NRDC: variants seen among roughly 807,000 people sequenced by gnomAD.
NRDC encodes the protein nardilysin.
A neutral mutation model predicts 147.1 loss-of-function variants in NRDC; 54 were observed. That is an observed-to-expected ratio of 0.37 (90% CI 0.29 to 0.46). The LOEUF (loss-of-function observed/expected upper bound fraction) is 0.46, where lower values mean the gene tolerates loss of function less well. Ranked by LOEUF, NRDC falls within the 20% of genes least tolerant of loss-of-function variation. The pLI is 1.00. For missense variants in NRDC, 1,082 were observed against 1,370.6 expected, an observed-to-expected ratio of 0.79 and a Z score of 3.33; for synonymous variants, 440 against 482.1, an observed-to-expected ratio of 0.91 and a Z score of 1.14.
chr1:51,794,192 T>C (rs1678779370), intron 24 of NRDC: 1 of 332,556 alleles, frequency 3.0e-6, no homozygotes, highest in South Asian at 7.4e-5. Flanking sequence ...CTTCTGCTAC[T>C]TGGGAGTTCT....
At chr1:51,797,767 C>T (rs962806851) in intron 22 of NRDC, among the ~76,000 whole-genome samples, 7 of 152,014 alleles carry the variant, frequency 4.6e-5, no homozygotes, top group African/African-American at 1.7e-4. Flanking sequence ...TTCTCTCTCT[C>T]TTTCTTTATT....
chr1:51,798,230 C>A lies in NRDC; in HGVS notation c.2604+19G>T. 6.2e-7 allele frequency: 1 copy of A among 1,613,150 alleles called. No individual in the cohort carries two copies. The highest frequency in any genetic ancestry group is 8.5e-7 in the Non-Finnish European group (1 of 1,179,210). On this transcript the variant is annotated intron_variant, in intron 22 of 30. Coordinates refer to ENST00000352171, the MANE Select transcript of NRDC (RefSeq NM_001101662.2). ...CACAACTGCATTCAGACCTGGCCTA[C>A]AGAGCATCTCACACTCACTGTGCTT...
At position 51,861,332 on chromosome 1, in the gene NRDC, TC is replaced by T. The variant is rs200439551; in HGVS notation, c.341+16942del. ...CAGAGATAATCAAATCTCTTCTTCT[TC>T]TTTTTTTTTTTTTTGAGACAAAGTC... On this transcript the variant is annotated intron_variant, in intron 1 of 30. Transcript: ENST00000352171. Among the ~76,000 whole-genome samples, 182 of 139,444 alleles carry T rather than the reference TC, an allele frequency of 1.3e-3. 18 individuals are homozygous for T. Among genetic ancestry groups the T allele is most frequent in the Middle Eastern group, 7.5e-3 (2 of 266 alleles). 91.5% of individuals were successfully genotyped at this position (139,444 alleles called of 152,430 possible). A position where few individuals can be genotyped will look rare whatever the true frequency, so the allele number is the denominator to read the frequency against.
At chr1:51,841,410 C>A (rs544647608) in intron 1 of NRDC, among the ~76,000 whole-genome samples, 2 of 152,326 alleles carry the variant, frequency 1.3e-5, no homozygotes, top group South Asian at 4.1e-4. Context: ...TGGGCTCAGG[C>A]AATCCTCCCA....
At chr1:51,843,746 C>G (rs1681391919) in intron 1 of NRDC, among the ~76,000 whole-genome samples, 1 of 151,958 alleles carries the variant, frequency 6.6e-6, no homozygotes, top group South Asian at 2.1e-4. Flanking sequence ...GAGCTATTTT[C>G]CAAGAATATG....
At chr1:51,840,832 C>A (rs1473802303) in intron 1 of NRDC, among the ~76,000 whole-genome samples, 1 of 152,152 alleles carries the variant, frequency 6.6e-6, no homozygotes, top group Non-Finnish European at 1.5e-5. Context: ...ATGCAACTCA[C>A]CACTCAGCCT....
chr1:51,792,293 T>A, intron 25 of NRDC, 84 bp downstream of exon 25: 1 of 1,434,042 alleles, frequency 7.0e-7, no homozygotes, highest in Admixed American at 1.7e-5. Context: ...GACTACCCCA[T>A]GTCCCTAACC....
At position 51,878,544 on chromosome 1, in the gene NRDC, G is replaced by A. The variant is rs763215283; in HGVS notation, c.72C>T (p.Leu24=). The A allele has an allele frequency of 1.9e-6, 3 of 1,613,586 alleles. No homozygotes were observed. Among genetic ancestry groups the A allele is most frequent in the Admixed American group, 1.7e-5 (1 of 59,930 alleles). ...RRKLCEAGRE[L]AALWGIETRG... Reference sequence around the variant, plus strand: ...GCGTTTCGATTCCCCAGAGCGCCGCGAGCTCCCGCCCGGCCTCACACAACT... The same window carrying A: ...GCGTTTCGATTCCCCAGAGCGCCGCAAGCTCCCGCCCGGCCTCACACAACT... Residue 24 remains leucine, a synonymous_variant, in exon 1 of 31, where the codon CTC becomes CTT. Transcript: ENST00000352171.
chr1:51,789,549 G>C lies in NRDC; in HGVS notation c.3258+19C>G, dbSNP rs537953908. 6 of 1,602,578 alleles carry C rather than the reference G, an allele frequency of 3.7e-6. No individual in the cohort carries two copies. In the South Asian group the frequency reaches 5.5e-5, roughly 15 times the overall value. ...AAATGACAACCCTAGAATGGATGGA[G>C]TTAGTTAAACATACTCACATGAACG... On this transcript the variant is annotated intron_variant, in intron 30 of 30. Coordinates refer to ENST00000352171, the MANE Select transcript of NRDC (RefSeq NM_001101662.2).
At chr1:51,862,686 G>A (rs955319441) in intron 1 of NRDC, among the ~76,000 whole-genome samples, 10 of 151,506 alleles carry the variant, frequency 6.6e-5, no homozygotes, top group African/African-American at 2.2e-4. Flanking sequence ...TCATGACACT[G>A]CACTCCAGCC....
chr1:51,854,273 C>A (rs1682128310), intron 1 of NRDC, among the ~76,000 whole-genome samples: 1 of 152,132 alleles, frequency 6.6e-6, no homozygotes, highest in Admixed American at 6.5e-5. Flanking sequence ...GAGGCTGAGG[C>A]AGAAGAATCG....
At chr1:51,804,099 C>T (rs770850297) in intron 19 of NRDC, 135 bp from the exon 20 acceptor site, 23 of 704,512 alleles carry the variant, frequency 3.3e-5, no homozygotes, top group Non-Finnish European at 4.5e-5. Context: ...AAAGGTAATA[C>T]AGCTTACTCA....
chr1:51,823,966 C>T (rs1158236183), intron 6 of NRDC, among the ~76,000 whole-genome samples, 180 bp from the exon 7 acceptor site: 1 of 151,944 alleles, frequency 6.6e-6, no homozygotes, highest in African/African-American at 2.4e-5. Flanking sequence ...GCATAAGAAA[C>T]AATTCTGAAG....
chr1:51,843,434 T>C (rs1681373128), intron 1 of NRDC, among the ~76,000 whole-genome samples: 1 of 152,220 alleles, frequency 6.6e-6, no homozygotes, highest in South Asian at 2.1e-4. Flanking sequence ...TTAACAAGTT[T>C]ACTAATTATG....
intron 5 of NRDC, among the ~76,000 whole-genome samples, 164 bp from the exon 6 acceptor site, chr1:51,825,546 T>C (rs1204389237): frequency 6.6e-6 from 1 of 152,318 alleles, no homozygotes; most frequent in Middle Eastern, 3.4e-3. Context: ...GGCCTGGCTC[T>C]ATGACTTAAT....
rs752116296 is a variant in NRDC, at chr1:51,789,640, T to C, written c.3186A>G (p.Ser1062=). Residue 1062 remains serine (S), a synonymous_variant, in exon 30 of 31, where the codon TCA becomes TCG. Coordinates refer to ENST00000352171, the MANE Select transcript of NRDC (RefSeq NM_001101662.2). ...RLAHEIEALK[S]FSKSDLVNWF... ...AGTTGACCAGGTCTGATTTTGAGAA[T>C]GACTTCAGTGCTTCAATCTTACAAG... 35 of 1,612,890 alleles carry C rather than the reference T, an allele frequency of 2.2e-5. No homozygotes were observed. The highest frequency in any genetic ancestry group is 3.0e-5 in the Non-Finnish European group (35 of 1,178,988).
chr1:51,849,532 G>C (rs554694266), intron 1 of NRDC, among the ~76,000 whole-genome samples: 1 of 151,450 alleles, frequency 6.6e-6, no homozygotes, highest in Non-Finnish European at 1.5e-5. Flanking sequence ...TTTTGAAAAA[G>C]ATGGCCGGGC....
At chr1:51,869,827 G>T (rs936666463) in intron 1 of NRDC, among the ~76,000 whole-genome samples, 14 of 152,336 alleles carry the variant, frequency 9.2e-5, no homozygotes, top group South Asian at 8.3e-4. Flanking sequence ...CGCATTTGTA[G>T]TATTTGTATC....
intron 22 of NRDC, among the ~76,000 whole-genome samples, chr1:51,797,148 C>A (rs183212659): frequency 6.6e-6 from 1 of 151,814 alleles, no homozygotes; most frequent in Non-Finnish European, 1.5e-5. Context: ...TGCAGTTGGG[C>A]CAAGATCACG....
Sources: gnomAD v4.1 joint callset for allele counts (sites outside exome capture counted in the v4.1 genomes callset) on GRCh38, gnomAD v4.1.1 for gene constraint, MANE v1.5 for transcripts, NCBI Gene and HGNC (gene_info 2026-07-23, HGNC 2026-07-21) for gene names.